MSN: variants seen among roughly 807,000 people sequenced by gnomAD.
MSN encodes the protein moesin, also known as epididymis luminal protein 70.
Under a neutral mutation model 48.0 loss-of-function variants are expected in MSN, and 2 were observed. The observed-to-expected ratio is 0.04, with a 90% confidence interval of 0.02 to 0.13. MSN has a LOEUF of 0.13. Among genes scored for constraint, MSN ranks in the 10% least tolerant of loss-of-function variants. The pLI is 1.00. For synonymous variants in MSN, 146 were observed against 166.9 expected, an observed-to-expected ratio of 0.87 and a Z score of 0.97; for missense variants, 267 against 470.1, an observed-to-expected ratio of 0.57 and a Z score of 3.99.
chrX:65,657,114 T>G (rs2779280), intron 1 of MSN, among the ~76,000 whole-genome samples: 66 of 110,671 alleles, frequency 6.0e-4, no homozygotes, highest in Non-Finnish European at 9.5e-4. Flanking sequence ...GGAGATGGGA[T>G]GGAGTGAAGC....
chrX:65,632,053 A>T lies in MSN; in HGVS notation c.-22+43441A>T, dbSNP rs766045672. Among the ~76,000 whole-genome samples the T allele has an allele frequency of 3.0e-3, 341 of 112,140 alleles. 2 individuals carry two copies. Among genetic ancestry groups the T allele is most frequent in the African/African-American group, 0.01 (323 of 30,909 alleles). Reference sequence around the variant, plus strand: ...GGTTTTCTTGTGAACAGAAATGTTTAATACTCTGGGATAAATGCCTAAATA... The same window carrying T: ...GGTTTTCTTGTGAACAGAAATGTTTTATACTCTGGGATAAATGCCTAAATA... On this transcript the variant is annotated intron_variant, in intron 1 of 3. Transcript: ENST00000609672.
At chrX:65,659,136 G>C (rs749992394) in intron 1 of MSN, among the ~76,000 whole-genome samples, 2 of 107,563 alleles carry the variant, frequency 1.9e-5, no homozygotes, top group Admixed American at 1.0e-4. Context: ...GAGCCACCGT[G>C]CCTGGCTACC....
At chrX:65,590,110 C>T (rs2070133746) in intron 1 of MSN, among the ~76,000 whole-genome samples, 1 of 110,710 alleles carries the variant, frequency 9.0e-6, no homozygotes, top group South Asian at 3.8e-4. Flanking sequence ...CCACCGGGGC[C>T]GGCCAAGAGT....
chrX:65,740,165 G>A lies in MSN; in HGVS notation c.*272G>A. 3.5e-6 allele frequency: 1 copy of A among 288,187 alleles called. No homozygotes were observed. The highest frequency in any genetic ancestry group is 2.6e-5 in the African/African-American group (1 of 37,969). 23.7% of individuals were successfully genotyped at this position (288,187 alleles called of 1,213,427 possible). ...ATGGCTAGAATATCCTACTTCTCCAGCCTAGAGGTACTTTCCACTTGATTT... is the reference window on the plus strand; with the variant it reads ...ATGGCTAGAATATCCTACTTCTCCAACCTAGAGGTACTTTCCACTTGATTT... On this transcript the variant is annotated 3_prime_UTR_variant, in exon 13 of 13. Transcript: ENST00000360270.
At chrX:65,627,070 GGTT>G (rs1387387601) in intron 1 of MSN, among the ~76,000 whole-genome samples, 1 of 110,730 alleles carries the variant, frequency 9.0e-6, no homozygotes, top group Non-Finnish European at 1.9e-5. Flanking sequence ...TGATTTACTT[GGTT>G]GTTGTAAACA....
chrX:65,633,423 C>T (rs936621991), intron 1 of MSN, among the ~76,000 whole-genome samples: 15 of 112,258 alleles, frequency 1.3e-4, no homozygotes, highest in Non-Finnish European at 1.3e-4. Context: ...TACCACCAAA[C>T]AAAGCACAAA....
Position 65,739,212 on chromosome X carries a change from A to T in MSN, c.1569+18A>T. 3.4e-6 allele frequency: 4 copies of T among 1,180,579 alleles called. No homozygotes were observed. Among genetic ancestry groups the T allele is most frequent in the Non-Finnish European group, 4.6e-6 (4 of 872,876 alleles). Reference sequence around the variant, plus strand: ...ACCTGAAGGTATACAAGTAGGGCCAAGGGGCAAGGAAACTATATGCATTGA... The same window carrying T: ...ACCTGAAGGTATACAAGTAGGGCCATGGGGCAAGGAAACTATATGCATTGA... On this transcript the variant is annotated intron_variant, in intron 12 of 12. Coordinates refer to ENST00000360270, the MANE Select transcript of MSN (RefSeq NM_002444.3).
At chrX:65,703,157 C>T (rs1020134827) in intron 1 of MSN, among the ~76,000 whole-genome samples, 1 of 111,276 alleles carries the variant, frequency 9.0e-6, no homozygotes, top group Non-Finnish European at 1.9e-5. Flanking sequence ...GTAGGATATT[C>T]GTCATAATAT....
At chrX:65,598,854 T>G (rs2070207561) in intron 1 of MSN, among the ~76,000 whole-genome samples, 1 of 112,158 alleles carries the variant, frequency 8.9e-6, no homozygotes, top group African/African-American at 3.2e-5. Context: ...GACGAAGACA[T>G]ACAACATACA....
At chrX:65,667,332 TCAGGGGCTGAGTAAGCATCTGTCAGGGCC>T (rs2070880845), upstream of MSN, among the ~76,000 whole-genome samples, 2 of 110,973 alleles carry the variant, frequency 1.8e-5, no homozygotes, top group African/African-American at 6.5e-5. Context: ...AAAGTTGCAG[TCAGGGGCTGAGTAAGCATCTGTCAGGGCC>T]CAGGGTCTGG....
intron 1 of MSN, among the ~76,000 whole-genome samples, chrX:65,617,696 C>CT (rs2070389639): frequency 1.1e-5 from 1 of 95,077 alleles, no homozygotes; most frequent in South Asian, 5.1e-4. Flanking sequence ...TTTTTTGTGT[C>CT]TCTATTTCCT....
At chrX:65,598,024 G>T (rs1369646103) in intron 1 of MSN, among the ~76,000 whole-genome samples, 1 of 111,422 alleles carries the variant, frequency 9.0e-6, no homozygotes, top group Non-Finnish European at 1.9e-5. Flanking sequence ...TTCCCAAGGA[G>T]CAGGGAACTT....
At chrX:65,607,539 C>G in intron 1 of MSN, among the ~76,000 whole-genome samples, 1 of 111,061 alleles carries the variant, frequency 9.0e-6, no homozygotes, top group East Asian at 2.8e-4. Flanking sequence ...GAAGAAAGAC[C>G]CTGGCACCCT....
intron 1 of MSN, among the ~76,000 whole-genome samples, chrX:65,704,864 G>T (rs986821258): frequency 9.3e-6 from 1 of 107,911 alleles, no homozygotes; most frequent in African/African-American, 3.4e-5. Context: ...CCGCTTCCCG[G>T]GTTCAAGCAA....
chrX:65,732,480 G>C (rs959655637), intron 6 of MSN, among the ~76,000 whole-genome samples: 1 of 111,457 alleles, frequency 9.0e-6, no homozygotes, highest in African/African-American at 3.3e-5. Context: ...GTTTTTATTG[G>C]ATCGTGCAGG....
At chrX:65,593,174 T>G (rs1410968072) in intron 1 of MSN, 1 of 110,523 alleles carries the variant, frequency 9.0e-6, no homozygotes, top group African/African-American at 3.3e-5. Context: ...TTTTTTTTTT[T>G]AACTACCTGC....
chrX:65,592,091 A>G (rs1017717142), intron 1 of MSN, among the ~76,000 whole-genome samples: 2 of 107,540 alleles, frequency 1.9e-5, no homozygotes, highest in African/African-American at 6.8e-5. Context: ...TGCTCCTTAG[A>G]GCTGTAAGAA....
At chrX:65,708,320 T>C (rs937774362) in intron 1 of MSN, among the ~76,000 whole-genome samples, 4 of 112,418 alleles carry the variant, frequency 3.6e-5, no homozygotes, top group African/African-American at 1.3e-4. Flanking sequence ...TGAGACAGGG[T>C]CTCACTATGT....
Position 65,721,256 on chromosome X carries a change from T to C in MSN, c.96+4355T>C, listed in dbSNP as rs200039686. On this transcript the variant is annotated intron_variant, in intron 2 of 12. Transcript: ENST00000360270. ...AAAGCATAGGATTTAGAACCAGCCC[T>C]GAGTTCAAATTCTGTCCTGTTACTT... is the stretch of plus-strand genomic sequence containing the variant. 2.1e-4 allele frequency among the ~76,000 whole-genome samples: 24 copies of C among 112,484 alleles called. No homozygotes were observed. The East Asian group carries it at 5.3e-3, about 25-fold the overall frequency.
Sources: gnomAD v4.1 joint callset for allele counts (sites outside exome capture counted in the v4.1 genomes callset) on GRCh38, gnomAD v4.1.1 for gene constraint, MANE v1.5 for transcripts, NCBI Gene and HGNC (gene_info 2026-07-23, HGNC 2026-07-21) for gene names.